The following AHI1 variants were observed in gnomAD, a reference collection of about 807,000 sequenced individuals.
AHI1 encodes the protein Abelson helper integration site 1.
Under a neutral mutation model 149.3 loss-of-function variants are expected in AHI1, and 123 were observed. The observed-to-expected ratio is 0.82, with a 90% CI of 0.71 to 0.96. The LOEUF (loss-of-function observed/expected upper bound fraction) is 0.96. AHI1 is among the 40% of genes least tolerant of loss of function. The pLI is 0.00. For missense variants in AHI1, 1,439 were observed against 1,422.7 expected (o/e 1.01, Z -0.18); for synonymous variants, 475 against 459.8 (o/e 1.03, Z -0.42).
Position 135,492,284 on chromosome 6 carries a change from T to C in AHI1, c.-47A>G. On this transcript the variant is annotated 5_prime_UTR_variant, in exon 4 of 29. Coordinates refer to ENST00000265602, the MANE Select transcript of AHI1 (RefSeq NM_001134831.2). ...CTGAGAATGCAAAGCATTGACTCAA[T>C]CAGGATCCTATCGAAACAAAGGAGA... is the stretch of plus-strand genomic sequence containing the variant. 6.6e-7 allele frequency: 1 copy of C among 1,523,372 alleles called. No individual in the cohort carries two copies. The highest frequency in any genetic ancestry group is 8.8e-7 in the Non-Finnish European group (1 of 1,131,858). 94.4% of individuals were successfully genotyped at this position (1,523,372 alleles called of 1,614,324 possible).
At chr6:135,448,730 C>T (rs1041802227) in intron 11 of AHI1, among the ~76,000 whole-genome samples, 15 of 152,104 alleles carry the variant, frequency 9.9e-5, no homozygotes, top group African/African-American at 4.8e-5. Context: ...TTCAGACTGT[C>T]GGTACAGCAT....
intron 4 of AHI1, among the ~76,000 whole-genome samples, chr6:135,491,169 T>G (rs902366637): frequency 3.3e-5 from 5 of 152,202 alleles, no homozygotes; most frequent in African/African-American, 1.2e-4. Flanking sequence ...GTAATCAGTA[T>G]TCCACAAATA....
At chr6:135,295,277 G>A (rs1032241352) in intron 27 of AHI1, among the ~76,000 whole-genome samples, 5 of 152,186 alleles carry the variant, frequency 3.3e-5, no homozygotes, top group Non-Finnish European at 7.4e-5. Context: ...TCAAGTATTG[G>A]TGAGGAAGCA....
intron 24 of AHI1, among the ~76,000 whole-genome samples, chr6:135,347,488 A>G (rs1791407573): frequency 6.6e-6 from 1 of 152,210 alleles, no homozygotes; most frequent in African/African-American, 2.4e-5. Context: ...ATGAATTAAC[A>G]TATTAAATCT....
intron 24 of AHI1, among the ~76,000 whole-genome samples, chr6:135,342,890 G>C (rs1292021256): frequency 6.6e-6 from 1 of 151,178 alleles, no homozygotes; most frequent in Admixed American, 6.6e-5. Flanking sequence ...AAAAAGACAG[G>C]GACATTCATA....
intron 26 of AHI1, among the ~76,000 whole-genome samples, chr6:135,313,641 A>G (rs931781508): frequency 6.6e-6 from 1 of 152,226 alleles, no homozygotes; most frequent in Non-Finnish European, 1.5e-5. Context: ...TGAAAAATCA[A>G]CTACAGTCTA....
chr6:135,481,705 CT>C lies in AHI1; in HGVS notation c.135+8917del, dbSNP rs147878972. ...AAAATTTCCACTTGGTATTGTTGTC[CT>C]TTTTTTTTTTTAACACTTTTTTATA... On this transcript the variant is annotated intron_variant, in intron 5 of 28. Transcript: ENST00000265602. Among the ~76,000 whole-genome samples the C allele has an allele frequency of 3.1e-3, 437 of 139,608 alleles. 2 individuals carry two copies. Among genetic ancestry groups the C allele is most frequent in the African/African-American group, 4.7e-3 (178 of 38,184 alleles). 91.6% of individuals were successfully genotyped at this position (139,608 alleles called of 152,430 possible).
At chr6:135,487,505 T>C (rs1794651444) in intron 5 of AHI1, among the ~76,000 whole-genome samples, 2 of 152,178 alleles carry the variant, frequency 1.3e-5, no homozygotes, top group Non-Finnish European at 1.5e-5. Flanking sequence ...GTTCATCCAA[T>C]GGTATTTTTG....
At chr6:135,341,579 A>G (rs1239305554) in intron 24 of AHI1, among the ~76,000 whole-genome samples, 1 of 152,000 alleles carries the variant, frequency 6.6e-6, no homozygotes, top group East Asian at 1.9e-4. Flanking sequence ...TAGGCCCCCA[A>G]ATAAAACTTA....
chr6:135,318,636 T>A lies in AHI1; in HGVS notation c.3329-20A>T. The A allele has an allele frequency of 6.5e-7, 1 of 1,530,504 alleles. No individual in the cohort carries two copies. Among genetic ancestry groups the A allele is most frequent in the Non-Finnish European group, 8.9e-7 (1 of 1,120,716 alleles). 94.8% of individuals were successfully genotyped at this position (1,530,504 alleles called of 1,614,324 possible). ...ACAGTGCTGAAATTGGAAAAAGGAA[T>A]TCATGTAATCAAATTGAGGAGCACT... is the stretch of plus-strand genomic sequence containing the variant. On this transcript the variant is annotated intron_variant, in intron 25 of 28. Coordinates refer to ENST00000265602, the MANE Select transcript of AHI1 (RefSeq NM_001134831.2).
Position 135,466,279 on chromosome 6 carries a change from C to T in AHI1, c.284G>A (p.Arg95Lys), listed in dbSNP as rs1359290584. Residue 95 changes from arginine (R) to lysine (K), a missense_variant, in exon 7 of 29, where the codon AGA (arginine) becomes AAA (lysine). By Grantham distance (26) the Arg-to-Lys change is conservative (BLOSUM62 2). Transcript: ENST00000265602. Reference protein sequence around the residue: ...ANTNNLKKSTRVTKNKLRNTQ... With the variant: ...ANTNNLKKSTKVTKNKLRNTQ... Reference sequence around the variant, plus strand: ...GTTCCTCAATTTGTTTTTAGTGACTCTCGTGCTCTTCTTCAGGTTGTTAGT... The same window carrying T: ...GTTCCTCAATTTGTTTTTAGTGACTTTCGTGCTCTTCTTCAGGTTGTTAGT... The T allele has an allele frequency of 1.2e-6, 2 of 1,613,788 alleles. No homozygotes were observed. The highest frequency in any genetic ancestry group is 3.3e-5 in the Admixed American group (2 of 59,996).
At chr6:135,294,943 G>A (rs1416342867) in intron 27 of AHI1, among the ~76,000 whole-genome samples, 1 of 151,940 alleles carries the variant, frequency 6.6e-6, no homozygotes, top group Non-Finnish European at 1.5e-5. Flanking sequence ...CTTCAACAAA[G>A]TAAAAAACAG....
chr6:135,389,277 C>G (rs1463180640), intron 23 of AHI1, among the ~76,000 whole-genome samples: 1 of 144,936 alleles, frequency 6.9e-6, no homozygotes, highest in African/African-American at 2.7e-5. Flanking sequence ...TGCCACTGCA[C>G]CAGCCTGGGT....
intron 23 of AHI1, among the ~76,000 whole-genome samples, chr6:135,390,681 C>A (rs553844662): frequency 6.6e-6 from 1 of 152,242 alleles, no homozygotes; most frequent in East Asian, 1.9e-4. Flanking sequence ...AACATGTCAG[C>A]CTCTCTGATT....
At chr6:135,395,032 G>A (rs1779030428) in intron 22 of AHI1, 136 bp from the exon 23 acceptor site, 1 of 819,572 alleles carries the variant, frequency 1.2e-6, no homozygotes, top group African/African-American at 1.7e-5. Flanking sequence ...GATGTACATG[G>A]TTAGTTTGTA....
intron 23 of AHI1, among the ~76,000 whole-genome samples, chr6:135,372,266 G>C (rs1775174465): frequency 1.3e-5 from 2 of 152,188 alleles, no homozygotes; most frequent in African/African-American, 4.8e-5. Flanking sequence ...TTTTCTTCAA[G>C]AGCCTCAGTA....
rs1342603314 is a variant in AHI1 at position 135,431,328 on chromosome 6, T to G, written c.2267-14A>C. ...ACATATGATGACCTATTTAAAAAAA[T>G]AAGATCACTCACTTATGAATGTCAC... On this transcript the variant is annotated splice_polypyrimidine_tract_variant and intron_variant, in intron 16 of 28. Transcript: ENST00000265602. 4 of 1,491,146 alleles carry G rather than the reference T, an allele frequency of 2.7e-6. No individual in the cohort carries two copies. In the South Asian group the frequency reaches 4.8e-5, roughly 18 times the overall value. The allele number at this position is 1,491,146 out of a possible 1,614,324, so 92.4% of individuals were successfully genotyped here.
chr6:135,347,952 A>G (rs1241978484), intron 24 of AHI1, among the ~76,000 whole-genome samples: 1 of 152,264 alleles, frequency 6.6e-6, no homozygotes, highest in Non-Finnish European at 1.5e-5. Flanking sequence ...CTACAGAATA[A>G]GAAGGGTTTT....
At chr6:135,412,121 T>C (rs1781688302) in intron 20 of AHI1, among the ~76,000 whole-genome samples, 1 of 152,122 alleles carries the variant, frequency 6.6e-6, no homozygotes, top group African/African-American at 2.4e-5. Context: ...GTCCACTGTA[T>C]CTGTGGCTTC....
Sources: gnomAD v4.1 joint callset for allele counts (sites outside exome capture counted in the v4.1 genomes callset) on GRCh38, gnomAD v4.1.1 for gene constraint, MANE v1.5 for transcripts, NCBI Gene and HGNC (gene_info 2026-07-23, HGNC 2026-07-21) for gene names.